SHTN1: variants seen among roughly 807,000 people sequenced by gnomAD.
SHTN1 encodes the protein shootin 1, also known as shootin-1.
SHTN1 carries 42 observed loss-of-function variants against 83.1 expected under a neutral mutation model. The observed-to-expected ratio is 0.51, with a 90% confidence interval of 0.39 to 0.65. SHTN1 has a LOEUF of 0.65. Ranked by LOEUF, SHTN1 falls within the 30% of genes least tolerant of loss-of-function variation. The pLI is 0.00. For synonymous variants in SHTN1, 224 were observed against 247.7 expected, an observed-to-expected ratio of 0.90 and a Z score of 0.90; for missense variants, 622 against 737.8, an observed-to-expected ratio of 0.84 and a Z score of 1.82.
chr10:116,916,646 A>T (rs1195229737), intron 12 of SHTN1, among the ~76,000 whole-genome samples: 2 of 152,326 alleles, frequency 1.3e-5, no homozygotes, highest in Admixed American at 6.5e-5. Flanking sequence ...TGCAATAAGG[A>T]GGCCTAGATT....
upstream of SHTN1, among the ~76,000 whole-genome samples, chr10:117,009,265 A>G (rs1041302360): frequency 2.0e-5 from 3 of 152,214 alleles, no homozygotes; most frequent in South Asian, 2.1e-4. Flanking sequence ...CAAAAGAGCT[A>G]TAAGACATAT....
intron 2 of SHTN1, among the ~76,000 whole-genome samples, chr10:116,971,162 G>T (rs1850604399): frequency 6.6e-6 from 1 of 152,134 alleles, no homozygotes; most frequent in African/African-American, 2.4e-5. Context: ...AAGAGAACAT[G>T]AAACAAGTAC....
chr10:117,096,055 A>G (rs1853499666), intron 1 of SHTN1, among the ~76,000 whole-genome samples: 1 of 152,224 alleles, frequency 6.6e-6, no homozygotes, highest in Non-Finnish European at 1.5e-5. Flanking sequence ...TCTCTATTTA[A>G]GACTCTTCTC....
intron 1 of SHTN1, among the ~76,000 whole-genome samples, chr10:116,981,275 C>T (rs1243529388): frequency 6.6e-6 from 1 of 152,106 alleles, no homozygotes; most frequent in Non-Finnish European, 1.5e-5. Context: ...GCCAAGAACG[C>T]ACCACAGCAC....
chr10:117,004,974 C>G, intron 1 of SHTN1, 48 bp downstream of exon 1: 1 of 1,542,250 alleles, frequency 6.5e-7, no homozygotes, highest in Non-Finnish European at 8.8e-7. Flanking sequence ...GGGCCGTCCC[C>G]GCCCACGGGC....
intron 2 of SHTN1, chr10:116,974,041 T>C (rs1850708327): frequency 4.7e-6 from 5 of 1,061,668 alleles, no homozygotes; most frequent in Non-Finnish European, 5.8e-6. Context: ...TTTCACTCTC[T>C]TTCTCTTTTG....
rs1849524540 is a variant in SHTN1 at position 116,945,015 on chromosome 10, G to T, written c.620C>A (p.Ser207Tyr). 2.5e-6 allele frequency: 4 copies of T among 1,574,476 alleles called. No individual in the cohort carries two copies. The highest frequency in any genetic ancestry group is 3.5e-6 in the Non-Finnish European group (4 of 1,148,220). ...CTCATACTCTTCTACAGCTAACATG[G>T]ACACTTAAGAAGATAAAGGAAAAAA... Reference protein sequence around the residue: ...RKVLEKCNRVSMLAVEEYEEM... With the variant: ...RKVLEKCNRVYMLAVEEYEEM... Residue 207 changes from serine (S) to tyrosine (Y), a missense_variant, in exon 8 of 17, where the codon TCC becomes TAC. Coordinates refer to ENST00000355371, the MANE Select transcript of SHTN1 (RefSeq NM_001127211.3).
rs529700554 is a variant in SHTN1, at chr10:117,121,405, C to G, written c.-189+4902G>C. On this transcript the variant is annotated intron_variant, in intron 1 of 17. Transcript: ENST00000392901. The stretch of plus-strand genomic sequence containing the variant: ...CCAGCCTGGCCAACATGGTGAAACT[C>G]TGCCTCTACTAAAAATATAAAAAAC... 3.3e-5 allele frequency among the ~76,000 whole-genome samples: 5 copies of G among 151,764 alleles called. No individual in the cohort carries two copies. In the South Asian group the frequency reaches 8.3e-4, roughly 25 times the overall value.
At chr10:116,904,388 GGT>G (rs1360948459) in intron 15 of SHTN1, among the ~76,000 whole-genome samples, 1 of 151,330 alleles carries the variant, frequency 6.6e-6, no homozygotes, top group Non-Finnish European at 1.5e-5. Flanking sequence ...CCTAAAAAAT[GGT>G]ATGATTTCTT....
At chr10:117,112,473 AT>A (rs1853781876) in intron 1 of SHTN1, among the ~76,000 whole-genome samples, 1 of 152,240 alleles carries the variant, frequency 6.6e-6, no homozygotes. Context: ...CTGGAATGTT[AT>A]TAAGACCTTA....
chr10:117,027,118 G>C (rs1852343305), intron 2 of SHTN1, among the ~76,000 whole-genome samples: 1 of 152,166 alleles, frequency 6.6e-6, no homozygotes, highest in Non-Finnish European at 1.5e-5. Flanking sequence ...TCTGGACCTT[G>C]TCCAAGACCA....
rs111852593 is a variant in SHTN1, at chr10:116,945,365, T to C, written c.617-347A>G. 1.8e-3 allele frequency among the ~76,000 whole-genome samples: 276 copies of C among 152,326 alleles called. 1 individual carries two copies. Among genetic ancestry groups the C allele is most frequent in the Non-Finnish European group, 1.5e-3 (104 of 68,034 alleles). ...ACTCTAACACAGAAGAATGAGTAAA[T>C]TGTAGTACAAGAAATATTATTCTGC... On this transcript the variant is annotated intron_variant, in intron 7 of 16. Coordinates refer to ENST00000355371, the MANE Select transcript of SHTN1 (RefSeq NM_001127211.3).
Position 117,047,000 on chromosome 10 carries a change from T to TA in SHTN1, c.-123+1444dup, listed in dbSNP as rs763075267. 2.4e-3 allele frequency among the ~76,000 whole-genome samples: 355 copies of TA among 149,310 alleles called. 1 individual carries two copies. The highest frequency in any genetic ancestry group is 0.014 in the Middle Eastern group (4 of 286). On this transcript the variant is annotated intron_variant, in intron 2 of 17. Transcript: ENST00000392901. Reference sequence around the variant, plus strand: ...CTTTAAAAGAGTGAAGTTCTGGCAGTAAAAAAAAAGAGAAAAAATGAAAAA... The same window carrying TA: ...CTTTAAAAGAGTGAAGTTCTGGCAGTAAAAAAAAAAGAGAAAAAATGAAAAA...
In SHTN1 at chr10:117,057,015, T is replaced by C. The variant is rs1464829853; in HGVS notation, c.-188-8505A>G. On this transcript the variant is annotated intron_variant, in intron 1 of 17. Transcript: ENST00000392901. ...TCAGCATAGTACTGGAAGTTCTAGC[T>C]ACCGCAATGAGGTAAGAAAAATAGT... 3.9e-5 allele frequency among the ~76,000 whole-genome samples: 6 copies of C among 152,272 alleles called. No homozygotes were observed. The East Asian group carries it at 1.2e-3, about 29-fold the overall frequency.
chr10:116,977,098 T>C (rs1183980153), intron 2 of SHTN1, among the ~76,000 whole-genome samples: 5 of 152,224 alleles, frequency 3.3e-5, no homozygotes, highest in African/African-American at 9.6e-5. Flanking sequence ...TGAGAAAGTG[T>C]CTGTCAGTTA....
At chr10:116,980,913 C>G (rs954922246) in intron 1 of SHTN1, among the ~76,000 whole-genome samples, 2 of 152,144 alleles carry the variant, frequency 1.3e-5, no homozygotes, top group Admixed American at 1.3e-4. Context: ...TATACCAGGA[C>G]CACTTAAACA....
At chr10:116,893,567 C>T (rs1847407283) in intron 16 of SHTN1, among the ~76,000 whole-genome samples, 1 of 149,746 alleles carries the variant, frequency 6.7e-6, no homozygotes, top group Non-Finnish European at 1.5e-5. Context: ...CCCTGATAGG[C>T]ACTCATGTGC....
chr10:117,094,832 T>C (rs942684911), intron 1 of SHTN1, among the ~76,000 whole-genome samples: 4 of 152,236 alleles, frequency 2.6e-5, no homozygotes, highest in East Asian at 1.9e-4. Context: ...AGTTTCCTTA[T>C]TGCATAAATA....
intron 2 of SHTN1, among the ~76,000 whole-genome samples, chr10:117,025,634 G>A: frequency 6.6e-6 from 1 of 152,104 alleles, no homozygotes; most frequent in East Asian, 1.9e-4. Context: ...ACATCTCAAG[G>A]CTCCAAGAGA....
Sources: gnomAD v4.1 joint callset for allele counts (sites outside exome capture counted in the v4.1 genomes callset) on GRCh38, gnomAD v4.1.1 for gene constraint, MANE v1.5 for transcripts, NCBI Gene and HGNC (gene_info 2026-07-23, HGNC 2026-07-21) for gene names.